Variants in RAB3C observed in about 807,000 individuals in gnomAD.
RAB3C encodes RAB3C, member RAS oncogene family, also known as ras-related protein Rab-3C.
Under a neutral mutation model 26.4 loss-of-function variants are expected in RAB3C, and 17 were observed. That is an observed-to-expected ratio of 0.64 (90% CI 0.44 to 0.97). The LOEUF (loss-of-function observed/expected upper bound fraction) is 0.97. Among genes scored for constraint, RAB3C ranks in the 50% least tolerant of loss-of-function variants. The pLI, the probability that RAB3C is intolerant of heterozygous loss-of-function variation, is 0.00. For synonymous variants in RAB3C, 91 were observed against 95.9 expected, an observed-to-expected ratio of 0.95 and a Z score of 0.30; for missense variants, 242 against 281.9, an observed-to-expected ratio of 0.86 and a Z score of 1.01.
At chr5:58,606,725 G>A (rs1031405247) in intron 1 of RAB3C, among the ~76,000 whole-genome samples, 7 of 152,170 alleles carry the variant, frequency 4.6e-5, no homozygotes, top group African/African-American at 1.4e-4. Context: ...ATGCTATTCT[G>A]CAATATTTGC....
chr5:58,637,980 T>C (rs1747324305), intron 2 of RAB3C, among the ~76,000 whole-genome samples: 1 of 152,172 alleles, frequency 6.6e-6, no homozygotes, highest in Non-Finnish European at 1.5e-5. Flanking sequence ...ATTTAAGCAA[T>C]ACCTTATTAC....
chr5:58,660,918 C>T (rs574587324), intron 2 of RAB3C, among the ~76,000 whole-genome samples: 1 of 150,102 alleles, frequency 6.7e-6, no homozygotes, highest in Admixed American at 6.6e-5. Flanking sequence ...ACCCATCTAC[C>T]ATGGATGCTT....
At chr5:58,662,911 G>A (rs1043593818) in intron 2 of RAB3C, among the ~76,000 whole-genome samples, 2 of 150,322 alleles carry the variant, frequency 1.3e-5, no homozygotes, top group Non-Finnish European at 2.9e-5. Flanking sequence ...ATGTAAAAAT[G>A]GATGTCTTTT....
At position 58,756,487 on chromosome 5, in the gene RAB3C, G is replaced by A. The variant is rs575326280; in HGVS notation, c.371+30367G>A. 6.0e-5 allele frequency among the ~76,000 whole-genome samples: 9 copies of A among 149,596 alleles called. No homozygotes were observed. In the South Asian group the frequency reaches 1.1e-3, roughly 18 times the overall value. ...GCATAGCTATACGTGTGCCATGATG[G>A]TTTGCTCCACCTATTAACCCATCAA... On this transcript the variant is annotated intron_variant, in intron 3 of 4. Coordinates refer to ENST00000282878, the MANE Select transcript of RAB3C (RefSeq NM_138453.4).
Position 58,686,417 on chromosome 5 carries a change from C to A in RAB3C, c.253-39585C>A, listed in dbSNP as rs180679878. Among the ~76,000 whole-genome samples the A allele has an allele frequency of 2.3e-3, 355 of 152,136 alleles. 1 individual carries two copies. Among genetic ancestry groups the A allele is most frequent in the Non-Finnish European group, 3.8e-3 (257 of 68,018 alleles). ...CATTGAAAATTTATGAGCTAAGTCC[C>A]TGAATAGACTTGCTAAAGTTTTATT... On this transcript the variant is annotated intron_variant, in intron 2 of 4. Coordinates refer to ENST00000282878, the MANE Select transcript of RAB3C (RefSeq NM_138453.4).
chr5:58,645,125 T>G (rs751287597), intron 2 of RAB3C, among the ~76,000 whole-genome samples: 1 of 152,248 alleles, frequency 6.6e-6, no homozygotes, highest in African/African-American at 2.4e-5. Context: ...TGAAGGCTCC[T>G]GAATATGGCT....
chr5:58,747,526 G>T (rs1003563000), intron 3 of RAB3C, among the ~76,000 whole-genome samples: 2 of 151,950 alleles, frequency 1.3e-5, no homozygotes, highest in African/African-American at 2.4e-5. Context: ...TTCCTTTTCT[G>T]CAGGTCACAG....
chr5:58,634,969 G>A (rs991430354), intron 2 of RAB3C, among the ~76,000 whole-genome samples: 14 of 152,168 alleles, frequency 9.2e-5, no homozygotes, highest in Admixed American at 7.2e-4. Flanking sequence ...AAGACAGAAT[G>A]TGAGATAATA....
chr5:58,824,598 T>C (rs1328471492), intron 3 of RAB3C, among the ~76,000 whole-genome samples: 1 of 152,220 alleles, frequency 6.6e-6, no homozygotes, highest in Non-Finnish European at 1.5e-5. Context: ...AATATTGTTT[T>C]CGTGTGATGT....
rs56020784 is a variant in RAB3C, at chr5:58,820,017, G to A, written c.372-5021G>A. Among the ~76,000 whole-genome samples, 1,230 of 152,208 alleles carry A rather than the reference G, an allele frequency of 8.1e-3. 21 individuals are homozygous for A. The highest frequency in any genetic ancestry group is 0.028 in the African/African-American group (1,153 of 41,536). ...GCCAAAGTCATACAGTTATTGGTAC[G>A]TGCATAGAAAGTTATTGTGTATGCA... On this transcript the variant is annotated intron_variant, in intron 3 of 4. Transcript: ENST00000282878.
chr5:58,599,707 TA>T (rs143407810), intron 1 of RAB3C, among the ~76,000 whole-genome samples: 4,266 of 152,166 alleles, frequency 0.028, 186 homozygotes, highest in African/African-American at 0.096. Context: ...TTTTCTTTTT[TA>T]TTATACTTTA....
chr5:58,718,423 G>A (rs963992506), intron 2 of RAB3C, among the ~76,000 whole-genome samples: 1 of 152,134 alleles, frequency 6.6e-6, no homozygotes, highest in African/African-American at 2.4e-5. Context: ...TGAAAATGGA[G>A]TCAAAGGCCC....
rs1337864104 is a variant in RAB3C at position 58,697,438 on chromosome 5, T to C, written c.253-28564T>C. Among the ~76,000 whole-genome samples the C allele has an allele frequency of 2.6e-5, 4 of 152,170 alleles. No individual in the cohort carries two copies. In the South Asian group the frequency reaches 8.3e-4, roughly 32 times the overall value. ...GAGAGTTTTGTAGATGTCTATTAGGTCTGCTCGTTGCAGAGCTGAGTTCAG... is the reference window on the plus strand; with the variant it reads ...GAGAGTTTTGTAGATGTCTATTAGGCCTGCTCGTTGCAGAGCTGAGTTCAG... On this transcript the variant is annotated intron_variant, in intron 2 of 4. Transcript: ENST00000282878.
intron 2 of RAB3C, among the ~76,000 whole-genome samples, chr5:58,699,293 A>G (rs184404210): frequency 6.6e-6 from 1 of 152,252 alleles, no homozygotes. Context: ...AACAGCAAAT[A>G]TTGCAGAACA....
At chr5:58,637,959 A>G (rs1488067904) in intron 2 of RAB3C, among the ~76,000 whole-genome samples, 2 of 152,164 alleles carry the variant, frequency 1.3e-5, no homozygotes, top group Non-Finnish European at 2.9e-5. Flanking sequence ...GTAGCAACAC[A>G]GGAGTAATTT....
At chr5:58,656,821 T>C (rs1379348891) in intron 2 of RAB3C, among the ~76,000 whole-genome samples, 1 of 152,030 alleles carries the variant, frequency 6.6e-6, no homozygotes, top group Non-Finnish European at 1.5e-5. Flanking sequence ...TGGAAAACAG[T>C]GTGGAGATTC....
intron 1 of RAB3C, among the ~76,000 whole-genome samples, chr5:58,604,476 G>A (rs1254524100): frequency 6.6e-6 from 1 of 152,160 alleles, no homozygotes; most frequent in Non-Finnish European, 1.5e-5. Context: ...TCTTTGAGTG[G>A]GTCTTGCTTC....
At chr5:58,737,465 G>A (rs1416749081) in intron 3 of RAB3C, among the ~76,000 whole-genome samples, 2 of 121,050 alleles carry the variant, frequency 1.7e-5, no homozygotes, top group South Asian at 2.8e-4. Context: ...CTTGTTTACT[G>A]TGTTTATTGG....
chr5:58,764,442 G>A (rs1366997253), intron 3 of RAB3C, among the ~76,000 whole-genome samples: 1 of 142,062 alleles, frequency 7.0e-6, no homozygotes, highest in African/African-American at 2.6e-5. Context: ...GTAACTACTG[G>A]AAGCCACCTG....
Sources: gnomAD v4.1 joint callset for allele counts (sites outside exome capture counted in the v4.1 genomes callset) on GRCh38, gnomAD v4.1.1 for gene constraint, MANE v1.5 for transcripts, NCBI Gene and HGNC (gene_info 2026-07-23, HGNC 2026-07-21) for gene names.